PACS1: variants seen among roughly 807,000 people sequenced by gnomAD.
PACS1 encodes PACS-1.
PACS1 carries 24 observed loss-of-function variants against 115.0 expected under a neutral mutation model. The observed-to-expected ratio is 0.21, with a 90% CI of 0.15 to 0.29. PACS1 has a LOEUF of 0.29. Ranked by LOEUF, PACS1 falls within the 10% of genes least tolerant of loss-of-function variation. The pLI is 1.00. For missense variants in PACS1, 838 were observed against 1,251.2 expected (o/e 0.67, Z 4.98); for synonymous variants, 453 against 504.5 (o/e 0.90, Z 1.37).
chr11:66,197,345 C>T (rs771549144), intron 2 of PACS1, among the ~76,000 whole-genome samples: 1 of 152,002 alleles, frequency 6.6e-6, no homozygotes, highest in Non-Finnish European at 1.5e-5. Flanking sequence ...TTTTCATTAA[C>T]GTTCTTTTTC....
At chr11:66,176,490 T>G (rs535790072) in intron 1 of PACS1, among the ~76,000 whole-genome samples, 1 of 151,446 alleles carries the variant, frequency 6.6e-6, no homozygotes. Flanking sequence ...CTCGGCTCAC[T>G]GCAACGTCTG....
chr11:66,243,464 CCCCTGCACAG>C lies in PACS1; in HGVS notation c.*188_*197del, dbSNP rs1855857952. ...CTTCCCTCCCCTCCCCTCCAGCCCA[CCCCTGCACAG>C]CCCCTCCTCCTTCCCGCTTTTCCCC... On this transcript the variant is annotated 3_prime_UTR_variant, in exon 24 of 24. Transcript: ENST00000320580. 1 of 597,312 alleles carries C rather than the reference CCCCTGCACAG, an allele frequency of 1.7e-6. No homozygotes were observed. Among genetic ancestry groups the C allele is most frequent in the African/African-American group, 1.9e-5 (1 of 53,824 alleles). The allele number at this position is 597,312 out of a possible 1,614,324, so 37.0% of individuals were successfully genotyped here.
At chr11:66,081,556 C>A (rs1012225400) in intron 1 of PACS1, among the ~76,000 whole-genome samples, 84 of 152,318 alleles carry the variant, frequency 5.5e-4, no homozygotes, top group African/African-American at 2.0e-3. Context: ...TCCTGCCAAA[C>A]CCCAAGCTTA....
chr11:66,149,850 A>G (rs374827576), intron 1 of PACS1, among the ~76,000 whole-genome samples: 9 of 152,156 alleles, frequency 5.9e-5, no homozygotes, highest in African/African-American at 2.2e-4. Context: ...CCCAGGTTCA[A>G]GCAATTCTCC....
intron 2 of PACS1, among the ~76,000 whole-genome samples, chr11:66,198,506 A>G (rs1854698318): frequency 6.6e-6 from 1 of 152,196 alleles, no homozygotes; most frequent in Non-Finnish European, 1.5e-5. Context: ...GCAAGACACA[A>G]AAAACCACAT....
In PACS1 at chr11:66,091,076, C is replaced by T. The variant is rs187854952; in HGVS notation, c.356+20234C>T. ...TACAGATTCTTAGAAAAGACAAATG[C>T]TCCTTTTAATTGTGTTTTTGTTTCA... On this transcript the variant is annotated intron_variant, in intron 1 of 23. Coordinates refer to ENST00000320580, the MANE Select transcript of PACS1 (RefSeq NM_018026.4). Among the ~76,000 whole-genome samples, 9 of 152,222 alleles carry T rather than the reference C, an allele frequency of 5.9e-5. No individual in the cohort carries two copies. The East Asian group carries it at 1.7e-3, about 29-fold the overall frequency.
intron 1 of PACS1, among the ~76,000 whole-genome samples, chr11:66,133,717 C>G (rs1858758032): frequency 6.6e-6 from 1 of 152,186 alleles, no homozygotes; most frequent in African/African-American, 2.4e-5. Flanking sequence ...GTCGGTCAGA[C>G]TGGTCTGAAA....
chr11:66,159,942 T>C (rs930845495), intron 1 of PACS1, among the ~76,000 whole-genome samples: 29 of 152,238 alleles, frequency 1.9e-4, no homozygotes, highest in Non-Finnish European at 8.8e-5. Flanking sequence ...TTAAGAAGTC[T>C]GTTAGGATGA....
intron 10 of PACS1, among the ~76,000 whole-genome samples, chr11:66,223,090 T>C (rs1342021197): frequency 6.6e-6 from 1 of 150,644 alleles, no homozygotes; most frequent in African/African-American, 2.5e-5. Context: ...TCTTTCTAAA[T>C]TTATTTTTTA....
At chr11:66,096,814 C>G (rs1467249102) in intron 1 of PACS1, among the ~76,000 whole-genome samples, 1 of 151,690 alleles carries the variant, frequency 6.6e-6, no homozygotes, top group Non-Finnish European at 1.5e-5. Flanking sequence ...TGTGAACATT[C>G]TTACACAGGT....
intron 1 of PACS1, among the ~76,000 whole-genome samples, chr11:66,082,443 C>T (rs1318583761): frequency 6.6e-6 from 1 of 152,130 alleles, no homozygotes; most frequent in Non-Finnish European, 1.5e-5. Flanking sequence ...GTGATCCTCT[C>T]ACCTCAGCTT....
chr11:66,116,410 T>C (rs943184703), intron 1 of PACS1, among the ~76,000 whole-genome samples: 1 of 152,260 alleles, frequency 6.6e-6, no homozygotes, highest in Non-Finnish European at 1.5e-5. Context: ...TTACATATTA[T>C]CTTTCCTAAG....
chr11:66,178,609 T>A (rs1213378591), intron 1 of PACS1, among the ~76,000 whole-genome samples: 1 of 152,148 alleles, frequency 6.6e-6, no homozygotes, highest in East Asian at 1.9e-4. Context: ...TAGTAACTCA[T>A]TTAGAATAAC....
At chr11:66,137,327 G>A (rs892323634) in intron 1 of PACS1, among the ~76,000 whole-genome samples, 1 of 152,018 alleles carries the variant, frequency 6.6e-6, no homozygotes, top group African/African-American at 2.4e-5. Context: ...TAAGATGTGA[G>A]GTAGGGGTTC....
At chr11:66,142,622 T>TAAA (rs757969555) in intron 1 of PACS1, among the ~76,000 whole-genome samples, 3 of 126,008 alleles carry the variant, frequency 2.4e-5, no homozygotes, top group Non-Finnish European at 3.4e-5. Flanking sequence ...AGCATTTTAT[T>TAAA]AAAAAAAAAA....
At chr11:66,223,526 G>C (rs1250252974) in intron 10 of PACS1, among the ~76,000 whole-genome samples, 1 of 152,050 alleles carries the variant, frequency 6.6e-6, no homozygotes, top group Non-Finnish European at 1.5e-5. Flanking sequence ...ACATGGAACT[G>C]CTGAATGGCC....
intron 1 of PACS1, among the ~76,000 whole-genome samples, chr11:66,165,975 C>G (rs563197194): frequency 6.6e-6 from 1 of 152,116 alleles, no homozygotes; most frequent in Non-Finnish European, 1.5e-5. Context: ...CCTGTTTCCA[C>G]TCTCCCCTTT....
chr11:66,157,006 A>G (rs1455199424), intron 1 of PACS1, among the ~76,000 whole-genome samples: 1 of 152,114 alleles, frequency 6.6e-6, no homozygotes, highest in Non-Finnish European at 1.5e-5. Flanking sequence ...ATGTTCTTCT[A>G]GGAAGAATGT....
chr11:66,119,821 G>A (rs774176906), intron 1 of PACS1, among the ~76,000 whole-genome samples: 5 of 152,178 alleles, frequency 3.3e-5, no homozygotes, highest in Admixed American at 2.0e-4. Flanking sequence ...GCTGAAGGAC[G>A]TCAGAACTGT....
Sources: allele counts gnomAD v4.1 joint callset (sites outside exome capture counted in the v4.1 genomes callset), GRCh38; gene constraint gnomAD v4.1.1; transcripts MANE v1.5; gene names NCBI Gene and HGNC (gene_info 2026-07-23, HGNC 2026-07-21).